DGKB: variants seen among roughly 807,000 people sequenced by gnomAD.
DGKB encodes the protein 90 kDa diacylglycerol kinase.
DGKB carries 67 observed loss-of-function variants against 114.3 expected under a neutral mutation model. The observed-to-expected ratio is 0.59, with a 90% CI of 0.48 to 0.72. DGKB has a LOEUF of 0.72. Ranked by LOEUF, DGKB falls within the 30% of genes least tolerant of loss-of-function variation. The pLI, the probability that DGKB is intolerant of heterozygous loss-of-function variation, is 0.00. For missense variants in DGKB, 907 were observed against 975.2 expected (o/e 0.93, Z 0.93); for synonymous variants, 398 against 323.1 (o/e 1.23, Z -2.49).
At chr7:14,471,244 CAT>C (rs1781292139) in intron 21 of DGKB, among the ~76,000 whole-genome samples, 3 of 119,122 alleles carry the variant, frequency 2.5e-5, no homozygotes, top group African/African-American at 7.5e-5. Flanking sequence ...TATATGTATA[CAT>C]ACATATATGT....
intron 21 of DGKB, among the ~76,000 whole-genome samples, chr7:14,428,776 T>C (rs555034579): frequency 2.6e-5 from 4 of 152,184 alleles, no homozygotes; most frequent in Admixed American, 2.0e-4. Flanking sequence ...CCTCTCCCTT[T>C]AATTTTGCCA....
intron 14 of DGKB, among the ~76,000 whole-genome samples, chr7:14,629,292 C>G (rs1444887931): frequency 6.6e-6 from 1 of 151,958 alleles, no homozygotes; most frequent in Non-Finnish European, 1.5e-5. Flanking sequence ...ATCAGTTTAA[C>G]ATTTTCTTAG....
At chr7:14,235,968 G>A (rs568132811) in intron 23 of DGKB, among the ~76,000 whole-genome samples, 1 of 152,016 alleles carries the variant, frequency 6.6e-6, no homozygotes, top group Non-Finnish European at 1.5e-5. Context: ...GGATGCACAA[G>A]ACATACACGC....
At chr7:14,566,073 TTA>T (rs2128685556) in intron 20 of DGKB, among the ~76,000 whole-genome samples, 1 of 151,028 alleles carries the variant, frequency 6.6e-6, no homozygotes, top group East Asian at 2.0e-4. Context: ...TCCATTATAC[TTA>T]TATAATTTAA....
intron 25 of DGKB, among the ~76,000 whole-genome samples, chr7:14,153,755 G>GA (rs533532048): frequency 2.1e-4 from 31 of 150,006 alleles, no homozygotes; most frequent in Admixed American, 1.0e-3. Flanking sequence ...TCCTCAGAGA[G>GA]AAAAAAAAAT....
At chr7:14,333,460 TAAAAA>T (rs36112659) in intron 23 of DGKB, among the ~76,000 whole-genome samples, 1 of 125,830 alleles carries the variant, frequency 7.9e-6, no homozygotes. Flanking sequence ...GACTCCGTCT[TAAAAA>T]AAAAAAAAAA....
At chr7:14,216,001 A>G (rs924418116) in intron 23 of DGKB, among the ~76,000 whole-genome samples, 1 of 152,000 alleles carries the variant, frequency 6.6e-6, no homozygotes, top group Non-Finnish European at 1.5e-5. Flanking sequence ...CTCTTACTAT[A>G]TACCAAGTTT....
chr7:14,227,687 C>T (rs1374967147), intron 23 of DGKB, among the ~76,000 whole-genome samples: 1 of 151,890 alleles, frequency 6.6e-6, no homozygotes, highest in Non-Finnish European at 1.5e-5. Flanking sequence ...AATGCAAATA[C>T]TAAAAGCATG....
At chr7:14,795,449 G>C (rs1841275868) in intron 2 of DGKB, among the ~76,000 whole-genome samples, 1 of 152,156 alleles carries the variant, frequency 6.6e-6, no homozygotes, top group South Asian at 2.1e-4. Context: ...GGGTAGATTT[G>C]TCATTTAAGG....
chr7:14,255,702 A>G (rs1795867005), intron 23 of DGKB, among the ~76,000 whole-genome samples: 1 of 152,130 alleles, frequency 6.6e-6, no homozygotes, highest in African/African-American at 2.4e-5. Flanking sequence ...GAGTTTGTAA[A>G]AAAGCCCTTC....
chr7:14,324,446 CAAA>C (rs5882440), intron 23 of DGKB, among the ~76,000 whole-genome samples: 4 of 118,638 alleles, frequency 3.4e-5, no homozygotes, highest in Admixed American at 8.7e-5. Flanking sequence ...GACTCTGTCT[CAAA>C]AAAAAAAAAA....
chr7:14,920,095 T>C (rs969384903), intron 1 of DGKB, among the ~76,000 whole-genome samples: 1 of 152,152 alleles, frequency 6.6e-6, no homozygotes, highest in Admixed American at 6.5e-5. Context: ...TAACTTTGTG[T>C]TTCCTGATGA....
chr7:14,604,350 G>A (rs1463282982), intron 17 of DGKB, among the ~76,000 whole-genome samples: 2 of 152,020 alleles, frequency 1.3e-5, no homozygotes, highest in East Asian at 3.8e-4. Context: ...GTTCAAGAAA[G>A]TTATTTCCTC....
intron 4 of DGKB, among the ~76,000 whole-genome samples, chr7:14,746,461 C>G (rs1833298760): frequency 6.6e-6 from 1 of 152,024 alleles, no homozygotes; most frequent in Admixed American, 6.6e-5. Flanking sequence ...AAGAACTGTC[C>G]TCAGCTTAGA....
chr7:14,789,325 T>A (rs1840334805), intron 2 of DGKB, among the ~76,000 whole-genome samples: 1 of 152,170 alleles, frequency 6.6e-6, no homozygotes, highest in African/African-American at 2.4e-5. Context: ...TCTCACTTCC[T>A]CCTCAACCTC....
At chr7:14,630,925 T>C (rs1809559040) in intron 13 of DGKB, among the ~76,000 whole-genome samples, 1 of 150,460 alleles carries the variant, frequency 6.6e-6, no homozygotes, top group Non-Finnish European at 1.5e-5. Context: ...TGACAAGAAA[T>C]GATAAAAGGT....
intron 23 of DGKB, among the ~76,000 whole-genome samples, chr7:14,219,701 C>T (rs1468078905): frequency 6.6e-6 from 1 of 151,450 alleles, no homozygotes; most frequent in Admixed American, 6.6e-5. Flanking sequence ...TATATGATTC[C>T]AATTATTTTC....
intron 14 of DGKB, among the ~76,000 whole-genome samples, chr7:14,624,140 C>T (rs77152894): frequency 0.055 from 8,287 of 152,046 alleles, 733 homozygotes; most frequent in African/African-American, 0.19. Context: ...TCAGTGGTTA[C>T]GTCAGGAACA....
At chr7:14,461,286 C>T (rs1833032144) in intron 21 of DGKB, among the ~76,000 whole-genome samples, 1 of 146,934 alleles carries the variant, frequency 6.8e-6, no homozygotes, top group Admixed American at 6.8e-5. Flanking sequence ...CACACATACA[C>T]AAAAACCCTT....
Sources: gnomAD v4.1 joint callset for allele counts (sites outside exome capture counted in the v4.1 genomes callset) on GRCh38, gnomAD v4.1.1 for gene constraint, MANE v1.5 for transcripts, NCBI Gene and HGNC (gene_info 2026-07-23, HGNC 2026-07-21) for gene names.